Variants in DSCAML1 observed in about 807,000 individuals in gnomAD.
The protein encoded by DSCAML1 is DS cell adhesion molecule like 1.
DSCAML1 carries 38 observed loss-of-function variants against 200.5 expected under a neutral mutation model. The ratio of observed to expected loss-of-function variants is 0.19; its 90% CI spans 0.15 to 0.25. The LOEUF is 0.25. DSCAML1 is among the 10% of genes least tolerant of loss of function. DSCAML1 has a pLI of 1.00. For missense variants in DSCAML1, 2,223 were observed against 2,858.8 expected, an observed-to-expected ratio of 0.78 and a Z score of 5.07; for synonymous variants, 1,215 against 1,165.0, an observed-to-expected ratio of 1.04 and a Z score of -0.87.
rs1555194677 is a variant in DSCAML1, at chr11:117,650,701, G to GCA, written c.512-118180_512-118179insTG. 2.9e-3 allele frequency among the ~76,000 whole-genome samples: 238 copies of GCA among 80,984 alleles called. 7 individuals are homozygous for GCA. In the East Asian group the frequency reaches 0.044, roughly 15 times the overall value. 53.1% of individuals were successfully genotyped at this position (80,984 alleles called of 152,430 possible). A position where few individuals can be genotyped will look rare whatever the true frequency, so the allele number is the denominator to read the frequency against. On this transcript the variant is annotated intron_variant, in intron 3 of 32. Transcript: ENST00000651296. The stretch of plus-strand genomic sequence containing the variant: ...TGTGTGTGTGTGTGTGTGTGTGTGT[G>GCA]CGTGTGTGTGTGTGGTGGGGATTGG...
intron 11 of DSCAML1, among the ~76,000 whole-genome samples, chr11:117,502,696 C>G (rs2049419028): frequency 6.6e-6 from 1 of 152,202 alleles, no homozygotes; most frequent in South Asian, 2.1e-4. Context: ...GCTTTCCCAC[C>G]TGCACCCTGG....
intron 3 of DSCAML1, among the ~76,000 whole-genome samples, chr11:117,583,835 T>G (rs904723060): frequency 6.6e-6 from 1 of 152,254 alleles, no homozygotes; most frequent in Non-Finnish European, 1.5e-5. Context: ...CTTGTGATCA[T>G]GGACCCCATC....
intron 8 of DSCAML1, among the ~76,000 whole-genome samples, chr11:117,507,444 G>A (rs974349585): frequency 6.6e-6 from 1 of 152,210 alleles, no homozygotes; most frequent in Non-Finnish European, 1.5e-5. Context: ...AAAGGGAGCT[G>A]CCTGCAGGGA....
chr11:117,694,894 G>A (rs2053561930), intron 3 of DSCAML1, among the ~76,000 whole-genome samples: 2 of 152,212 alleles, frequency 1.3e-5, no homozygotes, highest in Non-Finnish European at 2.9e-5. Context: ...AGTGAAGTAT[G>A]TAATCAAAGA....
At chr11:117,595,945 G>A (rs1249536799) in intron 3 of DSCAML1, among the ~76,000 whole-genome samples, 2 of 152,192 alleles carry the variant, frequency 1.3e-5, no homozygotes, top group African/African-American at 4.8e-5. Context: ...AGACAAAATC[G>A]TGTGGGAGCA....
intron 8 of DSCAML1, among the ~76,000 whole-genome samples, chr11:117,513,515 T>C (rs2049691864): frequency 6.6e-6 from 1 of 152,080 alleles, no homozygotes; most frequent in African/African-American, 2.4e-5. Context: ...CCAAGGTGTG[T>C]GGATCACCTG....
chr11:117,512,326 C>T (rs184623181), intron 8 of DSCAML1, among the ~76,000 whole-genome samples: 197 of 152,288 alleles, frequency 1.3e-3, no homozygotes, highest in Non-Finnish European at 2.0e-3. Context: ...TGCCCACGGG[C>T]ACCTCCTCCA....
chr11:117,543,905 C>CTGCTTTTCCACTATTGGAGT (rs2050320252), intron 3 of DSCAML1, among the ~76,000 whole-genome samples: 1 of 151,960 alleles, frequency 6.6e-6, no homozygotes, highest in South Asian at 2.1e-4. Flanking sequence ...GGGTTGGGAG[C>CTGCTTTTCCACTATTGGAGT]TGCTTTTCCA....
intron 3 of DSCAML1, among the ~76,000 whole-genome samples, chr11:117,691,043 C>G (rs145755695): frequency 6.6e-6 from 1 of 152,180 alleles, no homozygotes; most frequent in Non-Finnish European, 1.5e-5. Flanking sequence ...TCTCTGTCCC[C>G]CAGATGTGTA....
intron 11 of DSCAML1, among the ~76,000 whole-genome samples, chr11:117,492,608 A>C (rs1294844493): frequency 1.3e-5 from 2 of 149,620 alleles, no homozygotes; most frequent in East Asian, 4.1e-4. Context: ...CTTCTCCCCC[A>C]AAAGCCTTGT....
At chr11:117,765,813 G>A (rs755965257) in intron 3 of DSCAML1, among the ~76,000 whole-genome samples, 15 of 152,196 alleles carry the variant, frequency 9.9e-5, no homozygotes, top group South Asian at 4.1e-4. Flanking sequence ...GGCAAGTTAG[G>A]TGCGGAGTCA....
At chr11:117,452,245 T>C (rs1443112047) in intron 19 of DSCAML1, among the ~76,000 whole-genome samples, 1 of 152,246 alleles carries the variant, frequency 6.6e-6, no homozygotes, top group Non-Finnish European at 1.5e-5. Context: ...ATTTGTCTCT[T>C]TCTCCATGTA....
At chr11:117,732,565 C>A (rs2054240808) in intron 3 of DSCAML1, among the ~76,000 whole-genome samples, 1 of 152,134 alleles carries the variant, frequency 6.6e-6, no homozygotes, top group Admixed American at 6.5e-5. Context: ...GGTGAGAGGT[C>A]CGACCGGGGA....
chr11:117,593,712 T>G (rs1438315544), intron 3 of DSCAML1, among the ~76,000 whole-genome samples: 3 of 48,698 alleles, frequency 6.2e-5, no homozygotes, highest in Admixed American at 4.3e-4. Context: ...ATATTTCTTG[T>G]TTTTTTTTTT....
chr11:117,793,389 C>T (rs2055512191), intron 1 of DSCAML1, among the ~76,000 whole-genome samples: 1 of 152,148 alleles, frequency 6.6e-6, no homozygotes, highest in Admixed American at 6.5e-5. Context: ...AACTCGTATC[C>T]CTGCAGAAAA....
chr11:117,606,320 C>T (rs922897364), intron 3 of DSCAML1, among the ~76,000 whole-genome samples: 8 of 152,202 alleles, frequency 5.3e-5, no homozygotes, highest in Admixed American at 5.2e-4. Flanking sequence ...AATTTACCTT[C>T]ACTGCCCCCC....
intron 4 of DSCAML1, among the ~76,000 whole-genome samples, chr11:117,525,866 C>T (rs1345692120): frequency 2.0e-5 from 3 of 152,240 alleles, no homozygotes; most frequent in East Asian, 1.9e-4. Context: ...GATGGGAGGA[C>T]GATCTATCTG....
At chr11:117,781,980 G>A (rs916590795) in intron 1 of DSCAML1, among the ~76,000 whole-genome samples, 2 of 152,190 alleles carry the variant, frequency 1.3e-5, no homozygotes, top group African/African-American at 4.8e-5. Flanking sequence ...GCCCCTTTAA[G>A]AAATCCATTG....
chr11:117,548,577 G>A (rs1378798867), intron 3 of DSCAML1, among the ~76,000 whole-genome samples: 1 of 152,240 alleles, frequency 6.6e-6, no homozygotes, highest in South Asian at 2.1e-4. Context: ...CATTTGGACG[G>A]GGTCATCTTT....
Sources: allele counts gnomAD v4.1 joint callset (sites outside exome capture counted in the v4.1 genomes callset), GRCh38; gene constraint gnomAD v4.1.1; transcripts MANE v1.5; gene names NCBI Gene and HGNC (gene_info 2026-07-23, HGNC 2026-07-21).